The following LUZP2 variants were observed in gnomAD, a reference collection of about 807,000 sequenced individuals.
LUZP2 encodes leucine zipper protein 2.
LUZP2 carries 52 observed loss-of-function variants against 51.6 expected under a neutral mutation model. The observed-to-expected ratio is 1.01, with a 90% CI of 0.81 to 1.27. The LOEUF (loss-of-function observed/expected upper bound fraction) is 1.27. Ranked by LOEUF, LUZP2 falls within the 50% of genes most tolerant of loss-of-function variation. The pLI is 0.00. For missense variants in LUZP2, 436 were observed against 395.4 expected (o/e 1.10, Z -0.87); for synonymous variants, 154 against 137.3 (o/e 1.12, Z -0.85).
At chr11:24,833,694 G>T (rs904436824) in intron 5 of LUZP2, among the ~76,000 whole-genome samples, 1 of 98,310 alleles carries the variant, frequency 1.0e-5, no homozygotes, top group African/African-American at 3.8e-5. Flanking sequence ...CGTCCCCCAC[G>T]CCTGCCACCG....
intron 9 of LUZP2, among the ~76,000 whole-genome samples, chr11:25,036,596 T>TGGA (rs910710643): frequency 5.0e-4 from 76 of 152,186 alleles, no homozygotes; most frequent in Admixed American, 3.3e-3. Flanking sequence ...AACATCTTGA[T>TGGA]GGAGGCACTT....
At chr11:24,551,457 T>A (rs538460475) in intron 1 of LUZP2, among the ~76,000 whole-genome samples, 1 of 152,150 alleles carries the variant, frequency 6.6e-6, no homozygotes, top group South Asian at 2.1e-4. Context: ...GAATGGTGAA[T>A]AACTGTTTAA....
rs767204189 is a variant in LUZP2, at chr11:24,521,089, G to C, written c.62+23784G>C. Among the ~76,000 whole-genome samples, 80 of 152,266 alleles carry C rather than the reference G, an allele frequency of 5.3e-4. 1 individual carries two copies. The Middle Eastern group carries it at 0.027, about 52-fold the overall frequency. ...TGTGTGGCTGGGCGTGGTGGCTCAC[G>C]CCTGTAATCCCAGCACTTTGGGAGG... On this transcript the variant is annotated intron_variant, in intron 1 of 11. Transcript: ENST00000336930.
chr11:25,000,803 G>A (rs7924958), intron 9 of LUZP2, among the ~76,000 whole-genome samples: 59,070 of 152,008 alleles, frequency 0.39, 13,769 homozygotes, highest in East Asian at 0.68. Context: ...GGAGGTCTAG[G>A]CCTCTGTGGT....
At chr11:24,803,910 T>G (rs1182240404) in intron 5 of LUZP2, among the ~76,000 whole-genome samples, 1 of 151,814 alleles carries the variant, frequency 6.6e-6, no homozygotes, top group East Asian at 1.9e-4. Flanking sequence ...AAGTGAGTTT[T>G]TCTTAGATAT....
intron 5 of LUZP2, among the ~76,000 whole-genome samples, chr11:24,808,003 G>T (rs532863716): frequency 1.1e-4 from 16 of 152,178 alleles, no homozygotes; most frequent in African/African-American, 3.9e-4. Context: ...TTCTGTAGGA[G>T]ACTTACATTC....
At chr11:24,617,375 A>T (rs542446443) in intron 1 of LUZP2, among the ~76,000 whole-genome samples, 1 of 152,244 alleles carries the variant, frequency 6.6e-6, no homozygotes, top group East Asian at 1.9e-4. Flanking sequence ...GAGTGTGTTC[A>T]TCGTTATTCA....
rs190366541 is a variant in LUZP2, at chr11:24,790,648, T to A, written c.396+27340T>A. ...TCTTGAGTAGCTGGGATTACAGGCATGTATCACCACGCCCAGCTAATTTTT... is the reference window on the plus strand; with the variant it reads ...TCTTGAGTAGCTGGGATTACAGGCAAGTATCACCACGCCCAGCTAATTTTT... On this transcript the variant is annotated intron_variant, in intron 5 of 11. Transcript: ENST00000336930. Among the ~76,000 whole-genome samples the A allele has an allele frequency of 4.4e-3, 675 of 152,134 alleles. 8 individuals carry two copies. The highest frequency in any genetic ancestry group is 0.016 in the African/African-American group (653 of 41,528).
intron 9 of LUZP2, among the ~76,000 whole-genome samples, chr11:25,047,962 GT>G (rs1858369590): frequency 8.6e-6 from 1 of 116,304 alleles, no homozygotes; most frequent in African/African-American, 3.1e-5. Context: ...AGGATTATAG[GT>G]GTAAACTACC....
At chr11:24,550,609 G>T (rs1456188154) in intron 1 of LUZP2, among the ~76,000 whole-genome samples, 1 of 152,048 alleles carries the variant, frequency 6.6e-6, no homozygotes, top group Non-Finnish European at 1.5e-5. Flanking sequence ...TTTCTAATGG[G>T]TTAAAACAGG....
At chr11:24,680,490 AC>A (rs1856698141) in intron 1 of LUZP2, among the ~76,000 whole-genome samples, 1 of 152,156 alleles carries the variant, frequency 6.6e-6, no homozygotes. Flanking sequence ...TTCATTTCCT[AC>A]AAGTGGAAAG....
intron 1 of LUZP2, among the ~76,000 whole-genome samples, chr11:24,596,936 A>G (rs116663813): frequency 1.4e-3 from 213 of 152,326 alleles, no homozygotes; most frequent in African/African-American, 4.9e-3. Flanking sequence ...CTGAAGTGTC[A>G]AAATATGAAG....
intron 6 of LUZP2, among the ~76,000 whole-genome samples, chr11:24,912,772 T>C (rs945614965): frequency 4.6e-5 from 7 of 152,122 alleles, no homozygotes; most frequent in Non-Finnish European, 1.5e-5. Flanking sequence ...AATGCGCCAC[T>C]GCACTCCAGC....
At chr11:24,799,106 CATT>C (rs1590549310) in intron 5 of LUZP2, among the ~76,000 whole-genome samples, 1 of 152,198 alleles carries the variant, frequency 6.6e-6, no homozygotes, top group South Asian at 2.1e-4. Context: ...CCTCCATCAT[CATT>C]GTCATCATCT....
intron 7 of LUZP2, among the ~76,000 whole-genome samples, chr11:24,949,981 T>C (rs1318567644): frequency 1.3e-5 from 2 of 150,360 alleles, no homozygotes; most frequent in African/African-American, 4.9e-5. Context: ...TTTTTTTTTT[T>C]TTTGAGATGG....
intron 1 of LUZP2, among the ~76,000 whole-genome samples, chr11:24,646,131 T>G (rs1290026198): frequency 2.0e-5 from 3 of 152,112 alleles, no homozygotes; most frequent in African/African-American, 7.2e-5. Context: ...TGTGATTATT[T>G]GACCAGATTT....
chr11:24,814,875 C>T (rs1476828341), intron 5 of LUZP2, among the ~76,000 whole-genome samples: 4 of 151,892 alleles, frequency 2.6e-5, no homozygotes. Flanking sequence ...GCCTGTAGTC[C>T]CAGCTACTCG....
intron 5 of LUZP2, among the ~76,000 whole-genome samples, chr11:24,843,851 C>T (rs1313521179): frequency 1.3e-5 from 2 of 152,158 alleles, no homozygotes; most frequent in Non-Finnish European, 2.9e-5. Flanking sequence ...TACAAGCTGT[C>T]TCTCTCTTTG....
chr11:24,590,016 A>G (rs1853205250), intron 1 of LUZP2, among the ~76,000 whole-genome samples: 1 of 152,130 alleles, frequency 6.6e-6, no homozygotes, highest in South Asian at 2.1e-4. Flanking sequence ...TGTGTAATGT[A>G]CGTGCATTTA....
Sources: allele counts gnomAD v4.1 joint callset (sites outside exome capture counted in the v4.1 genomes callset), GRCh38; gene constraint gnomAD v4.1.1; transcripts MANE v1.5; gene names NCBI Gene and HGNC (gene_info 2026-07-23, HGNC 2026-07-21).